Variants in CCDC73 observed in about 807,000 individuals in gnomAD.
The protein encoded by CCDC73 is coiled-coil domain containing 73.
A neutral mutation model predicts 116.5 loss-of-function variants in CCDC73; 95 were observed. The ratio of observed to expected loss-of-function variants is 0.82; its 90% CI spans 0.69 to 0.97. The LOEUF is 0.97. Ranked by LOEUF, CCDC73 falls within the 50% of genes least tolerant of loss-of-function variation. The probability of loss-of-function intolerance (pLI) is 0.00; values close to 1 mark genes in which losing one functional copy is unlikely to be tolerated. For missense variants in CCDC73, 1,066 were observed against 1,206.8 expected (o/e 0.88, Z 1.73); for synonymous variants, 398 against 401.3 (o/e 0.99, Z 0.10).
intron 2 of CCDC73, among the ~76,000 whole-genome samples, chr11:32,753,499 CT>C (rs923231719): frequency 7.9e-5 from 12 of 151,660 alleles, no homozygotes; most frequent in African/African-American, 2.9e-4. Flanking sequence ...GAGTCTCACT[CT>C]TTAGCCCAGG....
At chr11:32,652,219 G>A (rs1457963118) in intron 12 of CCDC73, among the ~76,000 whole-genome samples, 2 of 151,664 alleles carry the variant, frequency 1.3e-5, no homozygotes, top group Non-Finnish European at 2.9e-5. Flanking sequence ...CAGGAGAATC[G>A]CTTGAACCCA....
chr11:32,622,005 G>A (rs926856135), intron 14 of CCDC73, among the ~76,000 whole-genome samples: 11 of 152,264 alleles, frequency 7.2e-5, no homozygotes, highest in Admixed American at 6.5e-4. Flanking sequence ...AAGAAGTCAA[G>A]AAACAACAGA....
At chr11:32,808,705 C>A in the CCDC73 span, among the ~76,000 whole-genome samples, 1 of 151,742 alleles carries the variant, frequency 6.6e-6, no homozygotes, top group Non-Finnish European at 1.5e-5. Flanking sequence ...ATTCTTCCTG[C>A]TTTTATAAGA....
chr11:32,819,850 G>A, the CCDC73 span, among the ~76,000 whole-genome samples: 8 of 151,946 alleles, frequency 5.3e-5, no homozygotes, highest in African/African-American at 1.9e-4. Flanking sequence ...ATATGGAGGT[G>A]GACATATACA....
At chr11:32,703,085 C>A in intron 3 of CCDC73, 141 bp from the exon 4 acceptor site, 1 of 668,574 alleles carries the variant, frequency 1.5e-6, no homozygotes. Context: ...AACTTTAAAC[C>A]AATTTTATGA....
chr11:32,656,084 CTTT>C (rs35610291), intron 9 of CCDC73, among the ~76,000 whole-genome samples: 1 of 145,482 alleles, frequency 6.9e-6, no homozygotes, highest in African/African-American at 2.6e-5. Flanking sequence ...CTTTTCTTTT[CTTT>C]TTTTTTTTGA....
intron 1 of CCDC73, among the ~76,000 whole-genome samples, chr11:32,767,432 C>T (rs1850452813): frequency 6.6e-6 from 1 of 152,180 alleles, no homozygotes; most frequent in Middle Eastern, 3.2e-3. Context: ...ATGTCTAAAA[C>T]ACCAAAAGCA....
rs143321312 is a variant in CCDC73 at position 32,720,186 on chromosome 11, T to C, written c.136-2039A>G. On this transcript the variant is annotated intron_variant, in intron 2 of 17. Transcript: ENST00000335185. ...AGAATCCAACAATATAATTTAAAAA[T>C]TATATGAGTGGAATTTATTGCAGGT... Among the ~76,000 whole-genome samples, 1,095 of 152,242 alleles carry C rather than the reference T, an allele frequency of 7.2e-3. 12 individuals are homozygous for C. Among genetic ancestry groups the C allele is most frequent in the African/African-American group, 0.025 (1,024 of 41,560 alleles).
At chr11:32,694,018 C>T (rs373912974) in intron 6 of CCDC73, among the ~76,000 whole-genome samples, 13 of 152,282 alleles carry the variant, frequency 8.5e-5, no homozygotes, top group African/African-American at 2.9e-4. Context: ...ACAGGGATGC[C>T]CTCTTTCACC....
intron 9 of CCDC73, among the ~76,000 whole-genome samples, chr11:32,656,388 A>G (rs1233442564): frequency 6.6e-6 from 1 of 152,098 alleles, no homozygotes; most frequent in Non-Finnish European, 1.5e-5. Flanking sequence ...CAGTTTTTCT[A>G]CATTATAAGA....
intron 12 of CCDC73, among the ~76,000 whole-genome samples, chr11:32,651,089 G>T (rs927623317): frequency 6.6e-6 from 1 of 152,168 alleles, no homozygotes; most frequent in Non-Finnish European, 1.5e-5. Flanking sequence ...AGAGCCACCA[G>T]CTACCAGGTT....
chr11:32,755,589 GTA>G lies in CCDC73; in HGVS notation c.135+4518_135+4519del, dbSNP rs1185279283. Among the ~76,000 whole-genome samples, 26 of 101,132 alleles carry G rather than the reference GTA, an allele frequency of 2.6e-4. 3 individuals are homozygous for G. The highest frequency in any genetic ancestry group is 8.2e-4 in the African/African-American group (22 of 26,716). 66.3% of individuals were successfully genotyped at this position (101,132 alleles called of 152,430 possible). On this transcript the variant is annotated intron_variant, in intron 2 of 17. Coordinates refer to ENST00000335185, the MANE Select transcript of CCDC73 (RefSeq NM_001008391.4). ...TACATATATATCCATATATATGTGT[GTA>G]TATATATATCCATATATATGTGTGT...
chr11:32,815,054 T>G, the CCDC73 span, among the ~76,000 whole-genome samples: 1 of 152,166 alleles, frequency 6.6e-6, no homozygotes, highest in African/African-American at 2.4e-5. Context: ...GAATGACTGC[T>G]AATGAGTGGG....
At chr11:32,802,596 A>G in the CCDC73 span, among the ~76,000 whole-genome samples, 11 of 152,376 alleles carry the variant, frequency 7.2e-5, no homozygotes, top group African/African-American at 2.2e-4. Flanking sequence ...TCTTCCTAAC[A>G]GAAACTCATC....
At chr11:32,680,901 A>G (rs187696826) in intron 7 of CCDC73, 1 of 152,184 alleles carries the variant, frequency 6.6e-6, no homozygotes, top group African/African-American at 2.4e-5. Flanking sequence ...ATCTTTCTTA[A>G]GATATCCTTA....
chr11:32,738,073 T>C (rs546139431), intron 2 of CCDC73, among the ~76,000 whole-genome samples: 14 of 152,350 alleles, frequency 9.2e-5, no homozygotes, highest in African/African-American at 2.9e-4. Flanking sequence ...ACTGTGTATA[T>C]GTACCACATT....
chr11:32,614,480 T>A lies in CCDC73; in HGVS notation c.1838A>T (p.His613Leu). Residue 613 changes from histidine to leucine, a missense_variant, in exon 16 of 18, where the codon CAT becomes CTT. His to Leu is a moderately conservative substitution (Grantham distance 99). Coordinates refer to ENST00000335185, the MANE Select transcript of CCDC73 (RefSeq NM_001008391.4). ...ATTTGTAATTTCCTTCTCTAGAGCA[T>A]GTTCTCGAGTCCCTGGAAGCAATCT... ...QFRLLPGTRE[H>L]ALEKEITNSD... 6.2e-7 allele frequency: 1 copy of A among 1,613,508 alleles called. No individual in the cohort carries two copies.
intron 3 of CCDC73, among the ~76,000 whole-genome samples, chr11:32,717,362 T>C (rs1450365368): frequency 1.3e-5 from 2 of 152,220 alleles, no homozygotes; most frequent in Non-Finnish European, 2.9e-5. Context: ...TTACATTATG[T>C]AATAACACCC....
intron 9 of CCDC73, among the ~76,000 whole-genome samples, chr11:32,672,298 C>T (rs1057237564): frequency 1.6e-4 from 24 of 152,050 alleles, no homozygotes; most frequent in Admixed American, 3.3e-4. Flanking sequence ...GCCGAGATTG[C>T]GCCATTGCAT....
Sources: allele counts gnomAD v4.1 joint callset (sites outside exome capture counted in the v4.1 genomes callset), GRCh38; gene constraint gnomAD v4.1.1; transcripts MANE v1.5; gene names NCBI Gene and HGNC (gene_info 2026-07-23, HGNC 2026-07-21).